The following ADCY9 variants were observed in gnomAD, a reference collection of about 807,000 sequenced individuals.
ADCY9 encodes the protein adenylate cyclase type 9.
A neutral mutation model predicts 101.5 loss-of-function variants in ADCY9; 50 were observed. The observed-to-expected ratio is 0.49, with a 90% CI of 0.39 to 0.62. The LOEUF is 0.62. Among genes scored for constraint, ADCY9 ranks in the 20% least tolerant of loss-of-function variants. ADCY9 has a pLI of 0.00. For missense variants in ADCY9, 1,662 were observed against 1,800.4 expected, an observed-to-expected ratio of 0.92 and a Z score of 1.39; for synonymous variants, 905 against 769.3, an observed-to-expected ratio of 1.18 and a Z score of -2.92.
chr16:3,995,643 GC>G (rs1302447773), intron 3 of ADCY9, among the ~76,000 whole-genome samples: 2 of 150,718 alleles, frequency 1.3e-5, no homozygotes, highest in Non-Finnish European at 1.5e-5. Flanking sequence ...TTTCCTTGCA[GC>G]AAGAAGTGTA....
chr16:3,978,247 G>A (rs2056109955), intron 8 of ADCY9, among the ~76,000 whole-genome samples: 4 of 152,148 alleles, frequency 2.6e-5, no homozygotes, highest in Admixed American at 2.0e-4. Context: ...TTTGAGAAAC[G>A]CTGTGTGATC....
At chr16:3,993,655 T>G in intron 3 of ADCY9, 145 bp from the exon 4 acceptor site, 1 of 1,030,074 alleles carries the variant, frequency 9.7e-7, no homozygotes, top group East Asian at 2.6e-5. Flanking sequence ...GGGGATGAGC[T>G]GAAAGCCAAC....
chr16:3,984,412 G>T (rs1016009284), intron 6 of ADCY9, among the ~76,000 whole-genome samples: 1 of 152,218 alleles, frequency 6.6e-6, no homozygotes, highest in African/African-American at 2.4e-5. Context: ...CGGCAATTGA[G>T]GGGGAGAAAT....
intron 2 of ADCY9, among the ~76,000 whole-genome samples, chr16:4,007,793 T>G (rs1209268246): frequency 6.6e-6 from 1 of 151,234 alleles, no homozygotes; most frequent in African/African-American, 2.4e-5. Context: ...CTTGGAGTAA[T>G]GGCTGCATGT....
At chr16:3,959,450 G>A (rs2055926446), downstream of ADCY9, among the ~76,000 whole-genome samples, 3 of 151,776 alleles carry the variant, frequency 2.0e-5, no homozygotes, top group South Asian at 6.2e-4. Flanking sequence ...CAGTGGTAAA[G>A]CCACTGGGAC....
At chr16:4,009,036 C>G (rs1242816143) in intron 2 of ADCY9, among the ~76,000 whole-genome samples, 6 of 151,982 alleles carry the variant, frequency 3.9e-5, no homozygotes, top group Non-Finnish European at 8.8e-5. Flanking sequence ...ATCAATAATC[C>G]CGAATCATTT....
chr16:3,978,416 T>G (rs2531988), intron 8 of ADCY9, among the ~76,000 whole-genome samples: 117,451 of 152,148 alleles, frequency 0.77, 45,918 homozygotes, highest in Non-Finnish European at 0.84. Flanking sequence ...TTTAGCACAG[T>G]TCCCTTCCTG....
chr16:4,012,552 T>C (rs2056411215), intron 2 of ADCY9, among the ~76,000 whole-genome samples: 1 of 152,154 alleles, frequency 6.6e-6, no homozygotes, highest in South Asian at 2.1e-4. Context: ...TCTTATATTC[T>C]TTCCTGGTTA....
At chr16:4,021,532 G>A (rs1476426396) in intron 2 of ADCY9, among the ~76,000 whole-genome samples, 2 of 152,170 alleles carry the variant, frequency 1.3e-5, no homozygotes, top group African/African-American at 4.8e-5. Context: ...TGAGCACACT[G>A]TAGATACACG....
intron 2 of ADCY9, among the ~76,000 whole-genome samples, chr16:4,097,554 T>TATATATA (rs1491239469): frequency 7.0e-4 from 17 of 24,146 alleles, no homozygotes; most frequent in African/African-American, 3.6e-3. Flanking sequence ...TATATATATA[T>TATATATA]TTTTTTTTTT....
intron 2 of ADCY9, among the ~76,000 whole-genome samples, chr16:4,047,646 A>T (rs1464532902): frequency 6.6e-6 from 1 of 152,022 alleles, no homozygotes; most frequent in African/African-American, 2.4e-5. Flanking sequence ...CTGCATGACC[A>T]ATCAGGTCCT....
chr16:4,086,751 C>T (rs1391838584), intron 2 of ADCY9, among the ~76,000 whole-genome samples: 2 of 152,084 alleles, frequency 1.3e-5, no homozygotes, highest in African/African-American at 4.8e-5. Context: ...CCTCTGCCTC[C>T]TGGGTTCAAA....
chr16:3,987,380 A>G (rs1285516273), intron 6 of ADCY9, among the ~76,000 whole-genome samples: 1 of 152,236 alleles, frequency 6.6e-6, no homozygotes, highest in African/African-American at 2.4e-5. Context: ...GAGGCTCAGC[A>G]GTGCAGGGCG....
rs1466540762 is a variant in ADCY9, at chr16:4,007,652, G to C, written c.1694-94C>G. The C allele has an allele frequency of 4.2e-5, 45 of 1,065,494 alleles. No individual in the cohort carries two copies. The South Asian group carries it at 6.3e-4, about 15-fold the overall frequency. 66.0% of individuals were successfully genotyped at this position (1,065,494 alleles called of 1,614,324 possible). A position where few individuals can be genotyped will look rare whatever the true frequency, so the allele number is the denominator to read the frequency against. On this transcript the variant is annotated intron_variant, in intron 2 of 10. Transcript: ENST00000294016. The stretch of plus-strand genomic sequence containing the variant: ...GCTCTCTGGAGAGGACTCACTCCTG[G>C]AAAGTTGAGAGTAAAGTGAAAATGT...
intron 4 of ADCY9, 57 bp downstream of exon 4, chr16:3,993,349 C>T: frequency 6.2e-7 from 1 of 1,600,202 alleles, no homozygotes; most frequent in Non-Finnish European, 8.6e-7. Flanking sequence ...GGAATGTCAC[C>T]TTGGGTGGAT....
chr16:4,071,471 A>G (rs1162133956), intron 2 of ADCY9, among the ~76,000 whole-genome samples: 1 of 151,958 alleles, frequency 6.6e-6, no homozygotes, highest in Non-Finnish European at 1.5e-5. Flanking sequence ...AAGGGTCCGT[A>G]TGGTGGATCA....
At chr16:4,051,308 G>C (rs892766053) in intron 2 of ADCY9, among the ~76,000 whole-genome samples, 2 of 151,844 alleles carry the variant, frequency 1.3e-5, no homozygotes, top group Admixed American at 1.3e-4. Context: ...GGCAGATCAC[G>C]AGGTCAGGGG....
chr16:4,115,509 A>T lies in ADCY9; in HGVS notation c.-43-24T>A. The stretch of plus-strand genomic sequence containing the variant: ...ACCTGCCAGCAAAACGGGGAGAGTT[A>T]GCGGCGCTCCCACCTAGGCATGCAC... On this transcript the variant is annotated intron_variant, in intron 1 of 10. Transcript: ENST00000294016. The surrounding 1 kb of genome is among the most constrained non-coding windows in gnomAD (Gnocchi z 6.2). 1 of 1,460,558 alleles carries T rather than the reference A, an allele frequency of 6.8e-7. No homozygotes were observed. Among genetic ancestry groups the T allele is most frequent in the Non-Finnish European group, 9.0e-7 (1 of 1,107,906 alleles). The allele number at this position is 1,460,558 out of a possible 1,614,324, so 90.5% of individuals were successfully genotyped here.
intron 2 of ADCY9, among the ~76,000 whole-genome samples, chr16:4,041,491 G>T (rs1328951790): frequency 7.8e-6 from 1 of 127,464 alleles, no homozygotes; most frequent in Non-Finnish European, 1.6e-5. Flanking sequence ...ACAAAGCAAG[G>T]CCCCGTATTA....
Sources: allele counts gnomAD v4.1 joint callset (sites outside exome capture counted in the v4.1 genomes callset), GRCh38; gene constraint gnomAD v4.1.1; non-coding constraint Gnocchi (gnomAD v3.1); transcripts MANE v1.5; gene names NCBI Gene and HGNC (gene_info 2026-07-23, HGNC 2026-07-21).